FBXL17: variants seen among roughly 807,000 people sequenced by gnomAD.
FBXL17 encodes the protein F-box and leucine rich repeat protein 17.
In FBXL17, 22 loss-of-function variants were observed where a neutral mutation model predicts 66.2. The ratio of observed to expected loss-of-function variants is 0.33; its 90% CI spans 0.24 to 0.47. The LOEUF (loss-of-function observed/expected upper bound fraction) is 0.47, where lower values mean the gene tolerates loss of function less well. Among genes scored for constraint, FBXL17 ranks in the 20% least tolerant of loss-of-function variants. The pLI, the probability that FBXL17 is intolerant of heterozygous loss-of-function variation, is 1.00. For synonymous variants in FBXL17, 474 were observed against 400.5 expected (o/e 1.18, Z -2.19); for missense variants, 878 against 948.2 (o/e 0.93, Z 0.97).
At chr5:107,917,742 T>C (rs1040069580) in intron 7 of FBXL17, among the ~76,000 whole-genome samples, 7 of 152,236 alleles carry the variant, frequency 4.6e-5, no homozygotes, top group African/African-American at 1.4e-4. Context: ...TCATATTTAA[T>C]CAATGAACCA....
At chr5:108,193,905 G>C (rs910133770) in intron 5 of FBXL17, among the ~76,000 whole-genome samples, 2 of 151,814 alleles carry the variant, frequency 1.3e-5, no homozygotes, top group Non-Finnish European at 2.9e-5. Flanking sequence ...TCTCCTACTA[G>C]ATCTGACATT....
intron 4 of FBXL17, among the ~76,000 whole-genome samples, chr5:108,341,232 C>T (rs1580850332): frequency 6.6e-6 from 1 of 152,192 alleles, no homozygotes; most frequent in African/African-American, 2.4e-5. Flanking sequence ...AAATTGTAGA[C>T]TCATATATAC....
intron 5 of FBXL17, among the ~76,000 whole-genome samples, chr5:108,211,713 C>T (rs953298278): frequency 1.3e-5 from 2 of 152,226 alleles, no homozygotes; most frequent in Admixed American, 1.3e-4. Context: ...GTCTGATGGG[C>T]TTCCCTTTGT....
intron 7 of FBXL17, among the ~76,000 whole-genome samples, chr5:107,903,661 G>A (rs1445441327): frequency 6.6e-6 from 1 of 152,096 alleles, no homozygotes; most frequent in Non-Finnish European, 1.5e-5. Context: ...TCTGCTGATA[G>A]GCAAAGACAG....
At chr5:107,871,384 A>G (rs1748448855) in intron 8 of FBXL17, among the ~76,000 whole-genome samples, 1 of 152,230 alleles carries the variant, frequency 6.6e-6, no homozygotes, top group African/African-American at 2.4e-5. Context: ...TGCAGTGTTA[A>G]GTGAGAATTG....
intron 1 of FBXL17, among the ~76,000 whole-genome samples, chr5:108,380,242 C>T (rs1429268775): frequency 6.6e-6 from 1 of 152,044 alleles, no homozygotes; most frequent in Non-Finnish European, 1.5e-5. Context: ...TAAAGTCTGG[C>T]GCAGTGCCTG....
At chr5:108,147,659 A>C (rs974407784) in intron 6 of FBXL17, among the ~76,000 whole-genome samples, 3 of 152,248 alleles carry the variant, frequency 2.0e-5, no homozygotes, top group African/African-American at 7.2e-5. Context: ...ATACTGGCTA[A>C]GAATGTTGAC....
chr5:108,053,254 C>T (rs1415322716), intron 6 of FBXL17, among the ~76,000 whole-genome samples: 2 of 152,050 alleles, frequency 1.3e-5, no homozygotes, highest in Non-Finnish European at 2.9e-5. Flanking sequence ...TCAGAGTGAA[C>T]AGGCAACCTA....
At chr5:107,986,619 C>T (rs1055134986) in intron 7 of FBXL17, among the ~76,000 whole-genome samples, 9 of 151,654 alleles carry the variant, frequency 5.9e-5, no homozygotes, top group Non-Finnish European at 7.4e-5. Context: ...AATCACATCA[C>T]TTAAAATTGT....
chr5:108,360,840 C>A (rs975152159), intron 3 of FBXL17, among the ~76,000 whole-genome samples: 6 of 152,086 alleles, frequency 3.9e-5, no homozygotes, highest in Non-Finnish European at 8.8e-5. Context: ...CTTTCTTCCA[C>A]CTGCTCACTT....
chr5:108,069,228 A>C (rs966763982), intron 6 of FBXL17, among the ~76,000 whole-genome samples: 1 of 152,224 alleles, frequency 6.6e-6, no homozygotes, highest in Non-Finnish European at 1.5e-5. Context: ...AACTGAAACC[A>C]TAATATCATT....
chr5:107,994,421 T>G (rs1753384059), intron 7 of FBXL17, among the ~76,000 whole-genome samples: 1 of 152,188 alleles, frequency 6.6e-6, no homozygotes, highest in Non-Finnish European at 1.5e-5. Context: ...TGCACACATG[T>G]ATCAGTCTCC....
intron 6 of FBXL17, among the ~76,000 whole-genome samples, chr5:108,115,915 G>A (rs1366055190): frequency 3.3e-5 from 5 of 152,172 alleles, no homozygotes; most frequent in African/African-American, 9.7e-5. Context: ...AAATGAGCTT[G>A]TCCAAAATCA....
intron 3 of FBXL17, among the ~76,000 whole-genome samples, chr5:108,354,002 A>G (rs1747805136): frequency 6.6e-6 from 1 of 152,150 alleles, no homozygotes; most frequent in Non-Finnish European, 1.5e-5. Flanking sequence ...TTTGCATTAC[A>G]TTTATCAGTT....
chr5:108,169,854 A>T (rs1212916939), intron 6 of FBXL17, among the ~76,000 whole-genome samples: 4 of 152,194 alleles, frequency 2.6e-5, no homozygotes, highest in African/African-American at 4.8e-5. Context: ...ATTGCTATCC[A>T]ATCAATCCAT....
At chr5:108,050,212 T>C (rs929507312) in intron 6 of FBXL17, among the ~76,000 whole-genome samples, 1 of 152,210 alleles carries the variant, frequency 6.6e-6, no homozygotes, top group East Asian at 1.9e-4. Context: ...ATTCGGGACT[T>C]GAACTTAGCT....
intron 5 of FBXL17, among the ~76,000 whole-genome samples, chr5:108,188,794 C>G (rs1334850160): frequency 6.6e-6 from 1 of 152,144 alleles, no homozygotes; most frequent in Non-Finnish European, 1.5e-5. Flanking sequence ...TAAAGTTCTG[C>G]TGCAAACATA....
At chr5:108,303,682 T>C (rs1758705224) in intron 4 of FBXL17, among the ~76,000 whole-genome samples, 1 of 151,936 alleles carries the variant, frequency 6.6e-6, no homozygotes, top group Admixed American at 6.6e-5. Context: ...TTCTTACCTG[T>C]GGTCTGTCCA....
chr5:108,229,885 ATCCC>A (rs1379813487), intron 4 of FBXL17, among the ~76,000 whole-genome samples: 1 of 152,140 alleles, frequency 6.6e-6, no homozygotes, highest in African/African-American at 2.4e-5. Flanking sequence ...AAAACAAACA[ATCCC>A]ATCAAAAAGT....
Sources: gnomAD v4.1 joint callset for allele counts (sites outside exome capture counted in the v4.1 genomes callset) on GRCh38, gnomAD v4.1.1 for gene constraint, MANE v1.5 for transcripts, NCBI Gene and HGNC (gene_info 2026-07-23, HGNC 2026-07-21) for gene names.